The following JUP variants were observed in gnomAD, a reference collection of about 807,000 sequenced individuals.
JUP encodes the protein catenin (cadherin-associated protein), gamma 80kDa.
A neutral mutation model predicts 71.1 loss-of-function variants in JUP; 28 were observed. That is an observed-to-expected ratio of 0.39 (90% CI 0.29 to 0.54). JUP has a LOEUF of 0.54. Among genes scored for constraint, JUP ranks in the 20% least tolerant of loss-of-function variants. The probability of loss-of-function intolerance (pLI) is 0.62; values close to 1 mark genes in which losing one functional copy is unlikely to be tolerated. For synonymous variants in JUP, 401 were observed against 438.9 expected (o/e 0.91, Z 1.08); for missense variants, 869 against 1,030.1 (o/e 0.84, Z 2.14).
intron 1 of JUP, among the ~76,000 whole-genome samples, chr17:41,784,171 A>C (rs2047329858): frequency 6.6e-6 from 1 of 152,104 alleles, no homozygotes; most frequent in Non-Finnish European, 1.5e-5. Context: ...TCTCACTCTA[A>C]GGTGGCTCCA....
In JUP at chr17:41,757,458, A is replaced by G. The variant is rs1555598600; in HGVS notation, c.2003T>C (p.Leu668Pro). ...GTCATGCTTGAAGAGGGAGTTGGTG[A>G]GCTCCACGGACACGCGCTTCCGGTA... ...PDYRKRVSVE[L>P]TNSLFKHDPA... The change falls in exon 12 of 14, where the codon CTC becomes CCC. Residue 668 changes from leucine (L) to proline (P), a missense_variant. Transcript: ENST00000393931. 6.2e-7 allele frequency: 1 copy of G among 1,614,204 alleles called. No homozygotes were observed. Among genetic ancestry groups the G allele is most frequent in the Non-Finnish European group, 8.5e-7 (1 of 1,180,030 alleles).
Position 41,767,426 on chromosome 17 carries a change from T to C in JUP, c.862A>G (p.Thr288Ala), listed in dbSNP as rs546349982. ...GCCAGGAGCTGCAGGCAGTCGGTGG[T>C]GATGGCCAGGAACTTGGGGTTGTTC... ...NKNNPKFLAI[T>A]TDCLQLLAYG... Residue 288 changes from threonine (T) to alanine (A), a missense_variant, in exon 5 of 14, where the codon ACC (threonine) becomes GCC (alanine). Transcript: ENST00000393931. 6.2e-7 allele frequency: 1 copy of C among 1,614,134 alleles called. No homozygotes were observed.
intron 1 of JUP, among the ~76,000 whole-genome samples, chr17:41,777,965 A>G (rs1230688357): frequency 6.6e-6 from 1 of 152,188 alleles, no homozygotes; most frequent in Non-Finnish European, 1.5e-5. Flanking sequence ...ACTCCTGGGA[A>G]TGGAAAAACA....
At chr17:41,780,553 G>A (rs2047109549) in intron 1 of JUP, among the ~76,000 whole-genome samples, 1 of 151,860 alleles carries the variant, frequency 6.6e-6, no homozygotes, top group Non-Finnish European at 1.5e-5. Context: ...AAATTAGCTG[G>A]GCATGGTGGC....
chr17:41,770,115 C>A (rs2143706777), intron 2 of JUP, among the ~76,000 whole-genome samples: 1 of 152,302 alleles, frequency 6.6e-6, no homozygotes, highest in Non-Finnish European at 1.5e-5. Context: ...CCTTACCCAT[C>A]AGGTCTGTTT....
rs563042193 is a variant in JUP, at chr17:41,761,861, G to T, written c.1497+1122C>A. Among the ~76,000 whole-genome samples, 4 of 152,046 alleles carry T rather than the reference G, an allele frequency of 2.6e-5. No individual in the cohort carries two copies. In the South Asian group the frequency reaches 8.3e-4, roughly 32 times the overall value. Reference sequence around the variant, plus strand: ...AGGCTGGTGGATCACTTGAGTTCAGGAGTTCAAGATCAGTCTGAGCAACAT... The same window carrying T: ...AGGCTGGTGGATCACTTGAGTTCAGTAGTTCAAGATCAGTCTGAGCAACAT... On this transcript the variant is annotated intron_variant, in intron 8 of 13. Coordinates refer to ENST00000393931, the MANE Select transcript of JUP (RefSeq NM_002230.4).
intron 8 of JUP, among the ~76,000 whole-genome samples, chr17:41,761,609 C>A (rs1049447766): frequency 7.2e-5 from 11 of 152,022 alleles, no homozygotes; most frequent in Admixed American, 4.6e-4. Context: ...GTCAGGAGTT[C>A]AAGACCAGCC....
intron 8 of JUP, 140 bp from the exon 9 acceptor site, chr17:41,759,010 G>T: frequency 1.2e-6 from 1 of 823,930 alleles, no homozygotes; most frequent in Non-Finnish European, 1.8e-6. Context: ...AATATCCAGA[G>T]AAGGAGACCA....
chr17:41,756,894 A>C (rs200229725), intron 12 of JUP, among the ~76,000 whole-genome samples: 1 of 152,308 alleles, frequency 6.6e-6, no homozygotes, highest in East Asian at 1.9e-4. Context: ...GCAAGACTCC[A>C]TCTCAAAAAA....
chr17:41,776,320 TG>T (rs1234198371), intron 1 of JUP, among the ~76,000 whole-genome samples: 1 of 152,174 alleles, frequency 6.6e-6, no homozygotes, highest in Non-Finnish European at 1.5e-5. Flanking sequence ...ATCTGTAAAA[TG>T]GAGATGATCA....
chr17:41,758,386 G>T lies in JUP; in HGVS notation c.1773+13C>A, dbSNP rs1914228469. 11 of 1,612,442 alleles carry T rather than the reference G, an allele frequency of 6.8e-6. No individual in the cohort carries two copies. Among genetic ancestry groups the T allele is most frequent in the Non-Finnish European group, 9.3e-6 (11 of 1,179,922 alleles). On this transcript the variant is annotated intron_variant, in intron 10 of 13. Transcript: ENST00000393931. Reference sequence around the variant, plus strand: ...GTGGGGGGACCTCTCCTGCCCACCTGCCCCAGACTCACCTGCACAAACAGG... The same window carrying T: ...GTGGGGGGACCTCTCCTGCCCACCTTCCCCAGACTCACCTGCACAAACAGG...
intron 5 of JUP, among the ~76,000 whole-genome samples, chr17:41,766,808 T>A (rs1555604219): frequency 1.3e-5 from 2 of 149,928 alleles, no homozygotes; most frequent in South Asian, 2.1e-4. Flanking sequence ...TGAGCCGAGA[T>A]CGTGCCATTG....
chr17:41,760,944 C>G (rs557424019), intron 8 of JUP, among the ~76,000 whole-genome samples: 1 of 152,290 alleles, frequency 6.6e-6, no homozygotes, highest in African/African-American at 2.4e-5. Context: ...AGACCCTCAT[C>G]GATGGTAGCT....
chr17:41,767,516 C>T lies in JUP; in HGVS notation c.772G>A (p.Glu258Lys). The change falls in exon 5 of 14, where the codon GAG becomes AAG. Residue 258 changes from glutamate to lysine, a missense_variant. Transcript: ENST00000393931. The part of the protein sequence containing the change: ...TTLHNLLLYQ[E>K]GAKMAVRLAD... Reference sequence around the variant, plus strand: ...AGGCGCACGGCCATCTTGGCGCCCTCCTGGTACAGGAGCAGGTTGTGCAGC... The same window carrying T: ...AGGCGCACGGCCATCTTGGCGCCCTTCTGGTACAGGAGCAGGTTGTGCAGC... 6.2e-7 allele frequency: 1 copy of T among 1,613,972 alleles called. No homozygotes were observed.
At chr17:41,775,838 A>G (rs1221688864) in intron 1 of JUP, 7 of 296,028 alleles carry the variant, frequency 2.4e-5, no homozygotes, top group African/African-American at 1.6e-4. Context: ...ATAAGGCTAG[A>G]CTGGGTGCAC....
intron 1 of JUP, among the ~76,000 whole-genome samples, chr17:41,781,119 T>TGCAGCGAGCGGAGATC (rs1331989907): frequency 6.8e-6 from 1 of 147,938 alleles, no homozygotes; most frequent in African/African-American, 2.5e-5. Context: ...GGGCGGAGCT[T>TGCAGCGAGCGGAGATC]GCAGCGAGCG....
intron 1 of JUP, among the ~76,000 whole-genome samples, chr17:41,780,642 C>T (rs781812009): frequency 1.2e-4 from 18 of 151,610 alleles, no homozygotes; most frequent in Non-Finnish European, 2.4e-4. Context: ...TTGCAGTGAG[C>T]CAAGACTGCA....
Position 41,769,415 on chromosome 17 carries a change from G to T in JUP, c.468+3C>A, listed in dbSNP as rs782012914. ...CCCCACCCTAGCAGGGACCCTCACA[G>T]ACCGGGTCCTCGTCGTTGAGCAGTT... On this transcript the variant is annotated splice_donor_region_variant and intron_variant, in intron 3 of 13. Transcript: ENST00000393931. 5.6e-6 allele frequency: 9 copies of T among 1,610,048 alleles called. No individual in the cohort carries two copies. In the South Asian group the frequency reaches 1.0e-4, roughly 18 times the overall value.
intron 8 of JUP, among the ~76,000 whole-genome samples, chr17:41,760,187 T>C (rs1354408095): frequency 6.6e-6 from 1 of 151,174 alleles, no homozygotes; most frequent in Non-Finnish European, 1.5e-5. Context: ...TAATAAAAAA[T>C]AATAATTCAA....
Sources: allele counts gnomAD v4.1 joint callset (sites outside exome capture counted in the v4.1 genomes callset), GRCh38; gene constraint gnomAD v4.1.1; transcripts MANE v1.5; gene names NCBI Gene and HGNC (gene_info 2026-07-23, HGNC 2026-07-21).